Variants in LHFPL3 observed in about 807,000 individuals in gnomAD.
LHFPL3 encodes the protein LHFPL tetraspan subfamily member 3 protein.
A neutral mutation model predicts 19.3 loss-of-function variants in LHFPL3; 5 were observed. The observed-to-expected ratio is 0.26, with a 90% CI of 0.14 to 0.54. The LOEUF (loss-of-function observed/expected upper bound fraction) is 0.54, where lower values mean the gene tolerates loss of function less well. Among genes scored for constraint, LHFPL3 ranks in the 20% least tolerant of loss-of-function variants. LHFPL3 has a pLI of 0.94. For synonymous variants in LHFPL3, 133 were observed against 126.2 expected, an observed-to-expected ratio of 1.05 and a Z score of -0.36; for missense variants, 249 against 307.4, an observed-to-expected ratio of 0.81 and a Z score of 1.42.
intron 1 of LHFPL3, among the ~76,000 whole-genome samples, chr7:104,527,315 A>G (rs897737811): frequency 1.8e-4 from 27 of 152,346 alleles, no homozygotes; most frequent in African/African-American, 6.0e-4. Context: ...TCAAAGTTCT[A>G]TAAGATCGCC....
intron 1 of LHFPL3, among the ~76,000 whole-genome samples, chr7:104,677,973 CA>C: frequency 6.6e-6 from 1 of 152,290 alleles, no homozygotes; most frequent in South Asian, 2.1e-4. Context: ...AGGCCTGGAA[CA>C]TAGAGGAAGA....
intron 1 of LHFPL3, among the ~76,000 whole-genome samples, chr7:104,581,801 T>C (rs979122161): frequency 2.0e-5 from 3 of 151,968 alleles, no homozygotes; most frequent in African/African-American, 7.2e-5. Flanking sequence ...CACGTACATG[T>C]GGGTTTATAT....
At chr7:104,395,128 G>A (rs1791158423) in intron 1 of LHFPL3, among the ~76,000 whole-genome samples, 1 of 152,076 alleles carries the variant, frequency 6.6e-6, no homozygotes, top group Non-Finnish European at 1.5e-5. Context: ...CACAGAGGAG[G>A]AGGGATTCTA....
At chr7:104,568,768 T>G (rs2115980243) in intron 1 of LHFPL3, among the ~76,000 whole-genome samples, 1 of 152,288 alleles carries the variant, frequency 6.6e-6, no homozygotes, top group South Asian at 2.1e-4. Context: ...TCCCAAAAAC[T>G]CACTGGTGGT....
rs1166892251 is a variant in LHFPL3, at chr7:104,635,603, G to GA, written c.446-101065dup. ...AGATTATCATGCAAATATGAAAGTA[G>GA]AAAAAAACATTTTCAGACATGCATG... On this transcript the variant is annotated intron_variant, in intron 1 of 2. Transcript: ENST00000424859. Among the ~76,000 whole-genome samples, 3 of 152,036 alleles carry GA rather than the reference G, an allele frequency of 2.0e-5. No homozygotes were observed. In the East Asian group the frequency reaches 5.8e-4, roughly 29 times the overall value.
At chr7:104,792,721 AG>A (rs1790048916) in intron 2 of LHFPL3, among the ~76,000 whole-genome samples, 1 of 152,154 alleles carries the variant, frequency 6.6e-6, no homozygotes, top group African/African-American at 2.4e-5. Context: ...AAATATGCTG[AG>A]TTTGGATAGC....
At chr7:104,815,105 G>A (rs1395655789) in intron 2 of LHFPL3, among the ~76,000 whole-genome samples, 1 of 152,072 alleles carries the variant, frequency 6.6e-6, no homozygotes, top group Non-Finnish European at 1.5e-5. Flanking sequence ...CCCCAACCCC[G>A]AGAGCACGAG....
chr7:104,750,243 G>T lies in LHFPL3; in HGVS notation c.682+13332G>T, dbSNP rs564866482. ...TTTTTGGCCACTGATTTAAAGCAAT[G>T]ATAGAGACATCTGCTCCAGTGTCTA... On this transcript the variant is annotated intron_variant, in intron 2 of 2. Transcript: ENST00000424859. 4.6e-3 allele frequency among the ~76,000 whole-genome samples: 696 copies of T among 152,168 alleles called. 2 individuals are homozygous for T. The highest frequency in any genetic ancestry group is 0.016 in the African/African-American group (645 of 41,500).
intron 1 of LHFPL3, among the ~76,000 whole-genome samples, chr7:104,482,908 G>A (rs1156385298): frequency 6.6e-6 from 1 of 152,216 alleles, no homozygotes; most frequent in Non-Finnish European, 1.5e-5. Context: ...TCTCCATGTG[G>A]GTTTTTGTTT....
At chr7:104,765,870 C>T (rs1297663639) in intron 2 of LHFPL3, among the ~76,000 whole-genome samples, 1 of 152,214 alleles carries the variant, frequency 6.6e-6, no homozygotes, top group Non-Finnish European at 1.5e-5. Context: ...CCAGGCTCCA[C>T]ACACTTGTGC....
intron 2 of LHFPL3, among the ~76,000 whole-genome samples, chr7:104,862,602 T>C (rs4571661): frequency 0.63 from 94,097 of 150,530 alleles, 31,909 homozygotes; most frequent in Non-Finnish European, 0.78. Flanking sequence ...GAAGGGTAGA[T>C]CTGGGCCAAC....
intron 2 of LHFPL3, among the ~76,000 whole-genome samples, chr7:104,830,109 T>G (rs1423176402): frequency 2.0e-5 from 3 of 152,082 alleles, no homozygotes. Context: ...TCATGTGTCT[T>G]TTGGCTGCAT....
At chr7:104,421,842 G>T (rs950176000) in intron 1 of LHFPL3, among the ~76,000 whole-genome samples, 2 of 152,172 alleles carry the variant, frequency 1.3e-5, no homozygotes, top group African/African-American at 4.8e-5. Context: ...ATGTGATGGT[G>T]TTAGGAGGTG....
intron 1 of LHFPL3, among the ~76,000 whole-genome samples, chr7:104,626,146 G>T (rs1212225764): frequency 6.6e-6 from 1 of 152,146 alleles, no homozygotes; most frequent in Non-Finnish European, 1.5e-5. Flanking sequence ...ATCAAAGTAT[G>T]TACTGGCTCC....
At chr7:104,488,434 G>T (rs1007625334) in intron 1 of LHFPL3, among the ~76,000 whole-genome samples, 1 of 151,984 alleles carries the variant, frequency 6.6e-6, no homozygotes, top group African/African-American at 2.4e-5. Context: ...AGATAAAAGG[G>T]CCAAGAAGGC....
At chr7:104,824,702 TTA>T (rs1218980612) in intron 2 of LHFPL3, among the ~76,000 whole-genome samples, 8 of 101,466 alleles carry the variant, frequency 7.9e-5, no homozygotes, top group East Asian at 2.4e-4. Context: ...ATTATATATA[TTA>T]TATATATAAT....
chr7:104,633,360 T>G (rs1416262907), intron 1 of LHFPL3, among the ~76,000 whole-genome samples: 1 of 152,198 alleles, frequency 6.6e-6, no homozygotes, highest in African/African-American at 2.4e-5. Flanking sequence ...ACAGGCATTT[T>G]GTCTGACTAT....
intron 2 of LHFPL3, chr7:104,798,541 C>T (rs958284078): frequency 6.6e-6 from 1 of 152,138 alleles, no homozygotes; most frequent in Non-Finnish European, 1.5e-5. Context: ...ATGTTTATTG[C>T]TCTGTTGTAT....
chr7:104,553,903 T>C (rs1794708483), intron 1 of LHFPL3, among the ~76,000 whole-genome samples: 1 of 152,136 alleles, frequency 6.6e-6, no homozygotes, highest in Non-Finnish European at 1.5e-5. Context: ...TGTGTGAATG[T>C]GAGTTATTGT....
Sources: allele counts gnomAD v4.1 joint callset (sites outside exome capture counted in the v4.1 genomes callset), GRCh38; gene constraint gnomAD v4.1.1; transcripts MANE v1.5; gene names NCBI Gene and HGNC (gene_info 2026-07-23, HGNC 2026-07-21).